The following PRKG1 variants were observed in gnomAD, a reference collection of about 807,000 sequenced individuals.
PRKG1 encodes protein kinase cGMP-dependent 1.
In PRKG1, 35 loss-of-function variants were observed where a neutral mutation model predicts 88.1. The ratio of observed to expected loss-of-function variants is 0.40; its 90% CI spans 0.30 to 0.53. The LOEUF is 0.53. Ranked by LOEUF, PRKG1 falls within the 20% of genes least tolerant of loss-of-function variation. The pLI is 0.59. For synonymous variants in PRKG1, 303 were observed against 292.5 expected (o/e 1.04, Z -0.37); for missense variants, 540 against 839.8 (o/e 0.64, Z 4.41).
At chr10:52,047,310 T>C (rs1845885023) in intron 5 of PRKG1, among the ~76,000 whole-genome samples, 2 of 152,078 alleles carry the variant, frequency 1.3e-5, no homozygotes, top group African/African-American at 2.4e-5. Context: ...CTTTCGACAA[T>C]GGTTTTTCCA....
At chr10:52,291,760 A>G (rs1240987643) in intron 17 of PRKG1, among the ~76,000 whole-genome samples, 1 of 151,892 alleles carries the variant, frequency 6.6e-6, no homozygotes, top group East Asian at 1.9e-4. Context: ...TCATTTGGGT[A>G]TATACCCAGT....
At chr10:51,086,521 AC>A (rs1272983054) in intron 1 of PRKG1, among the ~76,000 whole-genome samples, 3 of 152,260 alleles carry the variant, frequency 2.0e-5, no homozygotes, top group African/African-American at 7.2e-5. Context: ...AATTATAATA[AC>A]TTTTTTCCAA....
chr10:52,150,686 G>T (rs1053048233), intron 8 of PRKG1, among the ~76,000 whole-genome samples: 9 of 152,110 alleles, frequency 5.9e-5, no homozygotes, highest in Non-Finnish European at 1.0e-4. Context: ...TTAAACTAAT[G>T]TCTTTGTTTC....
At chr10:51,590,816 G>GT (rs1351033663) in intron 3 of PRKG1, among the ~76,000 whole-genome samples, 1 of 152,018 alleles carries the variant, frequency 6.6e-6, no homozygotes, top group Non-Finnish European at 1.5e-5. Context: ...TTCGATATGG[G>GT]GGGGGTGGGG....
chr10:51,806,555 G>A (rs539469799), intron 4 of PRKG1, among the ~76,000 whole-genome samples: 2 of 152,266 alleles, frequency 1.3e-5, no homozygotes, highest in African/African-American at 4.8e-5. Context: ...TTTCCATCTG[G>A]CTACTCCATA....
intron 1 of PRKG1, among the ~76,000 whole-genome samples, chr10:51,005,955 G>C (rs577030538): frequency 6.6e-6 from 1 of 152,320 alleles, no homozygotes; most frequent in South Asian, 2.1e-4. Context: ...TGCAGATGTA[G>C]AGATATGGGT....
chr10:51,480,934 G>A (rs937125328), intron 3 of PRKG1, among the ~76,000 whole-genome samples: 4 of 152,004 alleles, frequency 2.6e-5, no homozygotes, highest in Non-Finnish European at 2.9e-5. Context: ...GGAGGTGGTG[G>A]TGGTATGAGT....
At chr10:52,251,422 G>A (rs970752740) in intron 9 of PRKG1, 148 bp from the exon 10 acceptor site, 13 of 620,586 alleles carry the variant, frequency 2.1e-5, no homozygotes, top group Admixed American at 8.9e-5. Flanking sequence ...AAAAAATTAT[G>A]AGTGTGAGAA....
At chr10:52,234,802 G>A (rs2132360059) in intron 9 of PRKG1, among the ~76,000 whole-genome samples, 1 of 89,302 alleles carries the variant, frequency 1.1e-5, no homozygotes, top group Non-Finnish European at 2.1e-5. Context: ...TCAGATTCAG[G>A]AAATACAGAG....
At chr10:52,001,031 T>C (rs1844581160) in intron 5 of PRKG1, among the ~76,000 whole-genome samples, 1 of 152,036 alleles carries the variant, frequency 6.6e-6, no homozygotes, top group Non-Finnish European at 1.5e-5. Flanking sequence ...GTAACTACCA[T>C]TCTACTCTCT....
chr10:51,377,301 G>A (rs1842837196), intron 2 of PRKG1, among the ~76,000 whole-genome samples: 1 of 152,136 alleles, frequency 6.6e-6, no homozygotes, highest in Non-Finnish European at 1.5e-5. Flanking sequence ...CCTCAGCTTT[G>A]TTATCTGTAA....
chr10:51,832,456 C>A (rs549443642), intron 4 of PRKG1, among the ~76,000 whole-genome samples: 66 of 152,056 alleles, frequency 4.3e-4, no homozygotes, highest in African/African-American at 1.5e-3. Context: ...GATGCTGAAT[C>A]AAGAATATCA....
At chr10:51,302,362 G>C (rs1272244789) in intron 2 of PRKG1, among the ~76,000 whole-genome samples, 1 of 152,100 alleles carries the variant, frequency 6.6e-6, no homozygotes, top group Non-Finnish European at 1.5e-5. Flanking sequence ...AGTAATTTGA[G>C]ATAAAGAGTT....
intron 3 of PRKG1, among the ~76,000 whole-genome samples, chr10:51,503,770 T>A (rs1564525689): frequency 6.6e-6 from 1 of 152,174 alleles, no homozygotes; most frequent in Non-Finnish European, 1.5e-5. Flanking sequence ...TATTTTTCTT[T>A]ACAGTGTTCA....
intron 1 of PRKG1, among the ~76,000 whole-genome samples, chr10:50,996,011 A>G (rs189601542): frequency 1.5e-3 from 224 of 152,312 alleles, no homozygotes; most frequent in African/African-American, 5.3e-3. Context: ...CCTACTTCTT[A>G]TATAAGCAAG....
chr10:51,107,773 A>C (rs1380274415), intron 1 of PRKG1, among the ~76,000 whole-genome samples: 1 of 145,670 alleles, frequency 6.9e-6, no homozygotes, highest in African/African-American at 2.6e-5. Flanking sequence ...TCAGTGAGCC[A>C]TGACTCCAGC....
chr10:51,573,503 C>T (rs1185258266), intron 3 of PRKG1, among the ~76,000 whole-genome samples: 1 of 151,844 alleles, frequency 6.6e-6, no homozygotes, highest in Non-Finnish European at 1.5e-5. Flanking sequence ...AAATCAGGTA[C>T]ATGTTTTTCA....
chr10:51,264,341 A>C (rs1199300695), intron 2 of PRKG1, among the ~76,000 whole-genome samples: 1 of 152,186 alleles, frequency 6.6e-6, no homozygotes, highest in Non-Finnish European at 1.5e-5. Context: ...GTTGATTGTA[A>C]ATTGAGCCTT....
At chr10:51,184,032 C>A (rs1320641692) in intron 2 of PRKG1, among the ~76,000 whole-genome samples, 1 of 152,144 alleles carries the variant, frequency 6.6e-6, no homozygotes, top group Non-Finnish European at 1.5e-5. Context: ...CAAGTTAAAT[C>A]TCTTTGTTAT....
Sources: gnomAD v4.1 joint callset for allele counts (sites outside exome capture counted in the v4.1 genomes callset) on GRCh38, gnomAD v4.1.1 for gene constraint, MANE v1.5 for transcripts, NCBI Gene and HGNC (gene_info 2026-07-23, HGNC 2026-07-21) for gene names.